The following RSC1A1 variants were observed in gnomAD, a reference collection of about 807,000 sequenced individuals.
The protein encoded by RSC1A1 is regulatory solute carrier protein family 1 member 1.
A neutral mutation model predicts 7.7 loss-of-function variants in RSC1A1; 6 were observed. The observed-to-expected ratio is 0.78, with a 90% confidence interval of 0.43 to 1.53. The LOEUF is 1.53. Ranked by LOEUF, RSC1A1 falls within the 40% of genes most tolerant of loss-of-function variation. The pLI is 0.01. For synonymous variants in RSC1A1, 250 were observed against 263.0 expected, an observed-to-expected ratio of 0.95 and a Z score of 0.48; for missense variants, 729 against 726.3, an observed-to-expected ratio of 1.00 and a Z score of -0.04.
rs1207474159 is a variant in RSC1A1, at chr1:15,661,914, G to T, written c.*192G>T. The T allele has an allele frequency of 2.6e-5, 21 of 805,318 alleles. No homozygotes were observed. The highest frequency in any genetic ancestry group is 3.5e-5 in the African/African-American group (2 of 56,914). The allele number at this position is 805,318 out of a possible 1,614,324, so 49.9% of individuals were successfully genotyped here. A position where few individuals can be genotyped will look rare whatever the true frequency, so the allele number is the denominator to read the frequency against. ...TTATGATCTTTTGTCTGATGAATTT[G>T]TCTATCCTACTTGTTAAAATTTAGG... On this transcript the variant is annotated 3_prime_UTR_variant, in exon 1 of 1. Transcript: ENST00000345034.
the RSC1A1 span, chr1:15,661,654 C>T: frequency 1.9e-6 from 3 of 1,614,010 alleles, no homozygotes; most frequent in Admixed American, 1.7e-5. Flanking sequence ...AGCTTTGCAT[C>T]GAGTTGGTGG....
chr1:15,660,466 G>C lies in RSC1A1; in HGVS notation c.598G>C (p.Glu200Gln). Residue 200 changes from glutamate to glutamine, a missense_variant, in exon 1 of 1, where the codon GAA (glutamate) becomes CAA (glutamine). Physicochemically the swap from Glu to Gln is conservative, Grantham distance 29. Coordinates refer to ENST00000345034, the MANE Select transcript of RSC1A1 (RefSeq NM_006511.3). ...LCNIGDLELP[E>Q]ERQQNQHKIV... ...TAACATAGGGGACCTTGAGCTTCCTGAAGAAAGGCAACAGAATCAACACAA... is the reference window on the plus strand; with the variant it reads ...TAACATAGGGGACCTTGAGCTTCCTCAAGAAAGGCAACAGAATCAACACAA... The C allele has an allele frequency of 6.2e-7, 1 of 1,614,082 alleles. No homozygotes were observed. Among genetic ancestry groups the C allele is most frequent in the Non-Finnish European group, 8.5e-7 (1 of 1,180,006 alleles).
In RSC1A1 at chr1:15,660,528, G is replaced by T; in HGVS notation, c.660G>T (p.Gly220=). The change falls in exon 1 of 1, where the codon GGG becomes GGT. Residue 220 remains glycine, a synonymous_variant. Transcript: ENST00000345034. ...VDLEATMKGN[G]LPQNVDPPSA... ...TGGAAGCTACGATGAAAGGAAATGG[G>T]CTCCCACAGAATGTGGATCCTCCAA... 1 of 1,613,244 alleles carries T rather than the reference G, an allele frequency of 6.2e-7. No homozygotes were observed. Among genetic ancestry groups the T allele is most frequent in the South Asian group, 1.1e-5 (1 of 90,790 alleles).
At position 15,661,772 on chromosome 1, in the gene RSC1A1, A is replaced by G. The variant is rs1332026313; in HGVS notation, c.*50A>G. The G allele has an allele frequency of 3.2e-6, 5 of 1,540,736 alleles. No homozygotes were observed. Among genetic ancestry groups the G allele is most frequent in the Non-Finnish European group, 4.4e-6 (5 of 1,145,476 alleles). ...TCTCCATTCCCTTTAAACAAAAGAA[A>G]GCTCTCTCTATATACACGCACACAT... On this transcript the variant is annotated 3_prime_UTR_variant, in exon 1 of 1. Coordinates refer to ENST00000345034, the MANE Select transcript of RSC1A1 (RefSeq NM_006511.3).
rs1640387220 is a variant in RSC1A1 at position 15,661,779 on chromosome 1, T to C, written c.*57T>C. 6.5e-7 allele frequency: 1 copy of C among 1,531,516 alleles called. No individual in the cohort carries two copies. Among genetic ancestry groups the C allele is most frequent in the African/African-American group, 1.4e-5 (1 of 72,434 alleles). The allele number at this position is 1,531,516 out of a possible 1,614,324, so 94.9% of individuals were successfully genotyped here. ...TCCCTTTAAACAAAAGAAAGCTCTCTCTATATACACGCACACATACACACT... is the reference window on the plus strand; with the variant it reads ...TCCCTTTAAACAAAAGAAAGCTCTCCCTATATACACGCACACATACACACT... On this transcript the variant is annotated 3_prime_UTR_variant, in exon 1 of 1. Transcript: ENST00000345034.
At chr1:15,660,205 TC>T in the RSC1A1 span, 1 of 1,614,164 alleles carries the variant, frequency 6.2e-7, no homozygotes, top group Non-Finnish European at 8.5e-7. Flanking sequence ...TCTGGAGAAA[TC>T]TGCTGAAAGA....
At position 15,660,976 on chromosome 1, in the gene RSC1A1, G is replaced by A. The variant is rs1640364810; in HGVS notation, c.1108G>A (p.Ala370Thr). The change falls in exon 1 of 1, where the codon GCT becomes ACT. Residue 370 changes from alanine to threonine, a missense_variant. Physicochemically the swap from Ala to Thr is moderately conservative, Grantham distance 58 (BLOSUM62 0). Coordinates refer to ENST00000345034, the MANE Select transcript of RSC1A1 (RefSeq NM_006511.3). Reference protein sequence around the residue: ...HELLVVSSKPASENTSEEVIC... With the variant: ...HELLVVSSKPTSENTSEEVIC... ...ACTTTTGGTTGTTAGCAGTAAACCA[G>A]CTTCAGAAAATACATCTGAAGAAGT... 1 of 1,613,926 alleles carries A rather than the reference G, an allele frequency of 6.2e-7. No homozygotes were observed. The highest frequency in any genetic ancestry group is 8.5e-7 in the Non-Finnish European group (1 of 1,179,946).
At position 15,661,652 on chromosome 1, in the gene RSC1A1, A is replaced by C. The variant is rs143843633; in HGVS notation, c.1784A>C (p.His595Pro). The C allele has an allele frequency of 5.0e-6, 8 of 1,614,166 alleles. No homozygotes were observed. Among genetic ancestry groups the C allele is most frequent in the Non-Finnish European group, 6.8e-6 (8 of 1,180,034 alleles). Residue 595 changes from histidine to proline, a missense_variant, in exon 1 of 1, where the codon CAT (histidine) becomes CCT (proline). Coordinates refer to ENST00000345034, the MANE Select transcript of RSC1A1 (RefSeq NM_006511.3). ...FTLQEALGAL[H>P]RVGGNADLAL... ...TTGCAGGAAGCTCTTGGAGCTTTGC[A>C]TCGAGTTGGTGGGAATGCAGACCTT...
Position 15,660,680 on chromosome 1 carries a change from A to G in RSC1A1, c.812A>G (p.Asn271Ser), listed in dbSNP as rs3738648. ...LLNSTGRQNA[N>S]VKNIGALDLT... ...AATTCAACAGGCAGGCAGAATGCCA[A>G]TGTCAAGAACATTGGTGCATTGGAT... The change falls in exon 1 of 1, where the codon AAT (asparagine) becomes AGT (serine). Residue 271 changes from asparagine to serine, a missense_variant. Transcript: ENST00000345034. The G allele has an allele frequency of 7.1e-4, 1,152 of 1,614,226 alleles. 15 individuals are homozygous for G. In the East Asian group the frequency reaches 0.022, roughly 31 times the overall value.
Position 15,661,778 on chromosome 1 carries a change from C to G in RSC1A1, c.*56C>G. 1 of 1,533,386 alleles carries G rather than the reference C, an allele frequency of 6.5e-7. No homozygotes were observed. The highest frequency in any genetic ancestry group is 8.8e-7 in the Non-Finnish European group (1 of 1,141,950). 95.0% of individuals were successfully genotyped at this position (1,533,386 alleles called of 1,614,324 possible). On this transcript the variant is annotated 3_prime_UTR_variant, in exon 1 of 1. Coordinates refer to ENST00000345034, the MANE Select transcript of RSC1A1 (RefSeq NM_006511.3). ...TTCCCTTTAAACAAAAGAAAGCTCT[C>G]TCTATATACACGCACACATACACAC...
rs913672012 is a variant in RSC1A1, at chr1:15,661,876, C to T, written c.*154C>T. 46 of 1,090,306 alleles carry T rather than the reference C, an allele frequency of 4.2e-5. No homozygotes were observed. The highest frequency in any genetic ancestry group is 6.5e-5 in the African/African-American group (4 of 61,928). 67.5% of individuals were successfully genotyped at this position (1,090,306 alleles called of 1,614,324 possible). On this transcript the variant is annotated 3_prime_UTR_variant, in exon 1 of 1. Coordinates refer to ENST00000345034, the MANE Select transcript of RSC1A1 (RefSeq NM_006511.3). ...CCAGATTTTTTTTAAAGATTTTTTT[C>T]GGCCAAAGTAATTTATGATCTTTTG...
rs1640332639 is a variant in RSC1A1, at chr1:15,659,812, T to C, written c.-57T>C. On this transcript the variant is annotated 5_prime_UTR_variant, in exon 1 of 1. Coordinates refer to ENST00000345034, the MANE Select transcript of RSC1A1 (RefSeq NM_006511.3). The stretch of plus-strand genomic sequence containing the variant: ...ATTAGTCACCTGCTAATTAATCTTT[T>C]TCCTTTCCCCTGTGTTCCATATAGA... 1 of 1,487,996 alleles carries C rather than the reference T, an allele frequency of 6.7e-7. No individual in the cohort carries two copies. The highest frequency in any genetic ancestry group is 2.3e-5 in the East Asian group (1 of 43,314). The allele number at this position is 1,487,996 out of a possible 1,614,324, so 92.2% of individuals were successfully genotyped here. A position where few individuals can be genotyped will look rare whatever the true frequency, so the allele number is the denominator to read the frequency against.
In RSC1A1 at chr1:15,661,160, G is replaced by A; in HGVS notation, c.1292G>A (p.Gly431Asp). The A allele has an allele frequency of 3.1e-6, 5 of 1,614,048 alleles. No individual in the cohort carries two copies. Among genetic ancestry groups the A allele is most frequent in the Non-Finnish European group, 3.4e-6 (4 of 1,180,000 alleles). The change falls in exon 1 of 1, where the codon GGT becomes GAT. Residue 431 changes from glycine (G) to aspartate (D), a missense_variant. Physicochemically the swap from Gly to Asp is moderately conservative, Grantham distance 94. Transcript: ENST00000345034. ...TCAGTGGAGACAGAAAAATTAACAG[G>A]TACTTCATCTGACACTGGAAGAGAA... is the stretch of plus-strand genomic sequence containing the variant. Reference protein sequence around the residue: ...SVSVETEKLTGTSSDTGREAV... With the variant: ...SVSVETEKLTDTSSDTGREAV...
Position 15,660,330 on chromosome 1 carries a change from A to C in RSC1A1, c.462A>C (p.Pro154=). ...TTCTAGGTGAAAAGGATTGGCATCC[A>C]GAAAATCAGAACCTGAGTCAAGTGA... The part of the protein sequence containing the change: ...QMFLGEKDWH[P]ENQNLSQVSD... The change falls in exon 1 of 1, where the codon CCA becomes CCC. Residue 154 remains proline, a synonymous_variant. Transcript: ENST00000345034. 1 of 1,614,186 alleles carries C rather than the reference A, an allele frequency of 6.2e-7. No homozygotes were observed. The highest frequency in any genetic ancestry group is 8.5e-7 in the Non-Finnish European group (1 of 1,180,034).
At position 15,661,316 on chromosome 1, in the gene RSC1A1, A is replaced by G. The variant is rs747712913; in HGVS notation, c.1448A>G (p.Gln483Arg). 6.2e-7 allele frequency: 1 copy of G among 1,614,056 alleles called. No homozygotes were observed. Among genetic ancestry groups the G allele is most frequent in the Non-Finnish European group, 8.5e-7 (1 of 1,179,966 alleles). The change falls in exon 1 of 1, where the codon CAG becomes CGG. Residue 483 changes from glutamine to arginine, a missense_variant. Transcript: ENST00000345034. The part of the protein sequence containing the change: ...VTVTSAKTSN[Q>R]LHCTLGVEIS... ...GTAACCTCAGCTAAAACATCCAATC[A>G]GTTACACTGCACCTTAGGTGTAGAA...
At position 15,661,508 on chromosome 1, in the gene RSC1A1, C is replaced by T. The variant is rs976056315; in HGVS notation, c.1640C>T (p.Ser547Leu). 1.9e-6 allele frequency: 3 copies of T among 1,613,930 alleles called. No homozygotes were observed. The highest frequency in any genetic ancestry group is 1.1e-5 in the South Asian group (1 of 91,016). Residue 547 changes from serine (S) to leucine (L), a missense_variant, in exon 1 of 1, where the codon TCG (serine) becomes TTG (leucine). Transcript: ENST00000345034. ...AGAGAAAATGTCTGTCCTGATGCTT[C>T]GAGGCCATTACTTGAATATGAACCA... ...ETRENVCPDA[S>L]RPLLEYEPPT... is the part of the protein sequence containing the mutation.
Position 15,661,855 on chromosome 1 carries a change from AT to A in RSC1A1, c.*141del. On this transcript the variant is annotated 3_prime_UTR_variant, in exon 1 of 1. Coordinates refer to ENST00000345034, the MANE Select transcript of RSC1A1 (RefSeq NM_006511.3). Reference sequence around the variant, plus strand: ...ACCTGCAAGCAGAATGTTGAGCCAGATTTTTTTTAAAGATTTTTTTCGGCCA... The same window carrying A: ...ACCTGCAAGCAGAATGTTGAGCCAGATTTTTTTAAAGATTTTTTTCGGCCA... 7 of 1,253,534 alleles carry A rather than the reference AT, an allele frequency of 5.6e-6. No homozygotes were observed. Among genetic ancestry groups the A allele is most frequent in the Non-Finnish European group, 6.2e-6 (6 of 968,968 alleles). The allele number at this position is 1,253,534 out of a possible 1,614,324, so 77.7% of individuals were successfully genotyped here.
Position 15,660,344 on chromosome 1 carries a change from T to G in RSC1A1, c.476T>G (p.Leu159Arg). ...GATTGGCATCCAGAAAATCAGAACC[T>G]GAGTCAAGTGAGTGACCCTCAGCAG... ...EKDWHPENQNLSQVSDPQQHE... is the reference protein window; with the variant it reads ...EKDWHPENQNRSQVSDPQQHE... Residue 159 changes from leucine to arginine, a missense_variant, in exon 1 of 1, where the codon CTG becomes CGG. Coordinates refer to ENST00000345034, the MANE Select transcript of RSC1A1 (RefSeq NM_006511.3). 3 of 1,614,144 alleles carry G rather than the reference T, an allele frequency of 1.9e-6. No individual in the cohort carries two copies. Among genetic ancestry groups the G allele is most frequent in the Non-Finnish European group, 2.5e-6 (3 of 1,180,032 alleles).
chr1:15,660,065 C>A lies in RSC1A1; in HGVS notation c.197C>A (p.Ser66Tyr), dbSNP rs549284917. 3.3e-5 allele frequency: 53 copies of A among 1,613,908 alleles called. 1 individual carries two copies. The South Asian group carries it at 5.4e-4, about 16-fold the overall frequency. Reference sequence around the variant, plus strand: ...GCTTCAGCTGAATTCCAGCTAAACTCTGAAAAGAAAGAACATCTTTCTTTA... The same window carrying A: ...GCTTCAGCTGAATTCCAGCTAAACTATGAAAAGAAAGAACATCTTTCTTTA... ...LKASAEFQLN[S>Y]EKKEHLSLQD... Residue 66 changes from serine (S) to tyrosine (Y), a missense_variant, in exon 1 of 1, where the codon TCT (serine) becomes TAT (tyrosine). Transcript: ENST00000345034.
Sources: gnomAD v4.1 joint callset for allele counts on GRCh38, gnomAD v4.1.1 for gene constraint, MANE v1.5 for transcripts, NCBI Gene and HGNC (gene_info 2026-07-23, HGNC 2026-07-21) for gene names.